KATNAL2: variants seen among roughly 807,000 people sequenced by gnomAD.
KATNAL2 encodes katanin catalytic subunit A1 like 2.
KATNAL2 carries 52 observed loss-of-function variants against 76.3 expected under a neutral mutation model. That is an observed-to-expected ratio of 0.68 (90% CI 0.55 to 0.86). The LOEUF is 0.86. Among genes scored for constraint, KATNAL2 ranks in the 40% least tolerant of loss-of-function variants. The pLI, the probability that KATNAL2 is intolerant of heterozygous loss-of-function variation, is 0.00. For synonymous variants in KATNAL2, 243 were observed against 244.2 expected, an observed-to-expected ratio of 1.00 and a Z score of 0.05; for missense variants, 660 against 668.9, an observed-to-expected ratio of 0.99 and a Z score of 0.15.
At chr18:47,066,320 G>T (rs1055070337) in intron 10 of KATNAL2, among the ~76,000 whole-genome samples, 1 of 152,132 alleles carries the variant, frequency 6.6e-6, no homozygotes, top group Non-Finnish European at 1.5e-5. Context: ...TGGTGAAATT[G>T]AAGTTTGGAA....
chr18:47,065,388 G>T (rs1257605087), intron 10 of KATNAL2, among the ~76,000 whole-genome samples: 1 of 150,538 alleles, frequency 6.6e-6, no homozygotes, highest in Non-Finnish European at 1.5e-5. Flanking sequence ...GTATATGTGG[G>T]TTTCCCAAGA....
At chr18:47,085,836 C>T (rs1437270921) in intron 15 of KATNAL2, among the ~76,000 whole-genome samples, 2 of 152,030 alleles carry the variant, frequency 1.3e-5, no homozygotes, top group South Asian at 2.1e-4. Flanking sequence ...GGAATGGTGG[C>T]TTATGCTTGT....
Position 46,947,044 on chromosome 18 carries a change from G to A in KATNAL2, c.51+121G>A, listed in dbSNP as rs1219637803. The A allele has an allele frequency of 4.1e-6, 3 of 735,678 alleles. No individual in the cohort carries two copies. In the East Asian group the frequency reaches 8.1e-5, roughly 20 times the overall value. The allele number at this position is 735,678 out of a possible 1,614,324, so 45.6% of individuals were successfully genotyped here. A position where few individuals can be genotyped will look rare whatever the true frequency, so the allele number is the denominator to read the frequency against. Reference sequence around the variant, plus strand: ...AGTCCGCTACTAGAGAAGCGCAAACGCAGTGAGAGGCGCTCGGCCGAGGTG... The same window carrying A: ...AGTCCGCTACTAGAGAAGCGCAAACACAGTGAGAGGCGCTCGGCCGAGGTG... On this transcript the variant is annotated intron_variant, in intron 3 of 17. Coordinates refer to ENST00000683218, the MANE Select transcript of KATNAL2 (RefSeq NM_001387690.1).
In KATNAL2 at chr18:47,066,847, TTATATATATATATA is replaced by T. The variant is rs56018747; in HGVS notation, c.727-141_727-128del. On this transcript the variant is annotated intron_variant, in intron 10 of 17. Coordinates refer to ENST00000683218, the MANE Select transcript of KATNAL2 (RefSeq NM_001387690.1). Reference sequence around the variant, plus strand: ...CCAAAATTACAATGTATATATGTGTTTATATATATATATATATATATATATATATATATATATAT... The same window carrying T: ...CCAAAATTACAATGTATATATGTGTTTATATATATATATATATATATATAT... 6.9e-3 allele frequency among the ~76,000 whole-genome samples: 204 copies of T among 29,588 alleles called. 2 individuals carry two copies. The highest frequency in any genetic ancestry group is 0.013 in the African/African-American group (115 of 9,132). 19.4% of individuals were successfully genotyped at this position (29,588 alleles called of 152,430 possible). A position where few individuals can be genotyped will look rare whatever the true frequency, so the allele number is the denominator to read the frequency against.
At chr18:46,961,295 TG>T (rs2059939407) in intron 3 of KATNAL2, among the ~76,000 whole-genome samples, 1 of 51,726 alleles carries the variant, frequency 1.9e-5, no homozygotes, top group Non-Finnish European at 3.8e-5. Context: ...GCGGTGGGGG[TG>T]GGGGTGGGTA....
At chr18:47,035,327 G>C (rs925022796) in intron 3 of KATNAL2, 199 of 1,607,690 alleles carry the variant, frequency 1.2e-4, no homozygotes, top group Non-Finnish European at 1.5e-4. Flanking sequence ...GGGGCTGCGG[G>C]ACAGGAAGTC....
chr18:47,098,200 C>T (rs533428384), intron 15 of KATNAL2: 19 of 355,538 alleles, frequency 5.3e-5, no homozygotes, highest in Admixed American at 1.8e-4. Flanking sequence ...TCCAGCCTGG[C>T]GACAGAGCAA....
chr18:47,099,552 G>C, intron 16 of KATNAL2, 147 bp downstream of exon 16: 1 of 691,030 alleles, frequency 1.4e-6, no homozygotes, highest in Non-Finnish European at 2.3e-6. Flanking sequence ...GCATCTTCAC[G>C]AAGAATAAGC....
chr18:46,950,893 G>A lies in KATNAL2; in HGVS notation c.51+3970G>A, dbSNP rs574787503. 3.4e-3 allele frequency among the ~76,000 whole-genome samples: 514 copies of A among 152,104 alleles called. 1 individual carries two copies. The highest frequency in any genetic ancestry group is 0.012 in the African/African-American group (491 of 41,494). ...GAGACGGAGTTTCTCCATGTTGGCCGGGCTGGTCTCGAACTCCCAACCTCA... is the reference window on the plus strand; with the variant it reads ...GAGACGGAGTTTCTCCATGTTGGCCAGGCTGGTCTCGAACTCCCAACCTCA... On this transcript the variant is annotated intron_variant, in intron 3 of 17. Transcript: ENST00000683218.
At position 47,044,486 on chromosome 18, in the gene KATNAL2, C is replaced by T. The variant is rs777158414; in HGVS notation, c.52-1971C>T. Among the ~76,000 whole-genome samples the T allele has an allele frequency of 3.9e-5, 6 of 152,052 alleles. No homozygotes were observed. In the East Asian group the frequency reaches 5.8e-4, roughly 15 times the overall value. On this transcript the variant is annotated intron_variant, in intron 3 of 17. Coordinates refer to ENST00000683218, the MANE Select transcript of KATNAL2 (RefSeq NM_001387690.1). ...AAATGGTTAAAATGATGGCCAGGTG[C>T]GGTGGCTCACGCCTGTAATCCCAGC... is the stretch of plus-strand genomic sequence containing the variant.
chr18:47,079,487 C>T lies in KATNAL2; in HGVS notation c.1211+2026C>T, dbSNP rs184449883. Among the ~76,000 whole-genome samples the T allele has an allele frequency of 9.7e-3, 1,478 of 152,000 alleles. 25 individuals carry two copies. The highest frequency in any genetic ancestry group is 0.033 in the African/African-American group (1,374 of 41,450). ...TCGGCTCACTGCAACCTCTGCCTCC[C>T]GGGTTCAAGCCACTCTACTGCCTCA... On this transcript the variant is annotated intron_variant, in intron 15 of 17. Coordinates refer to ENST00000683218, the MANE Select transcript of KATNAL2 (RefSeq NM_001387690.1).
intron 15 of KATNAL2, among the ~76,000 whole-genome samples, chr18:47,086,982 T>C (rs184631559): frequency 6.6e-6 from 1 of 152,344 alleles, no homozygotes; most frequent in East Asian, 1.9e-4. Flanking sequence ...TCAAACCACA[T>C]TTAAAACATT....
intron 1 of KATNAL2, among the ~76,000 whole-genome samples, chr18:46,926,300 G>A (rs1210159179): frequency 1.3e-5 from 2 of 152,012 alleles, no homozygotes; most frequent in Admixed American, 6.6e-5. Flanking sequence ...TTTCTCGTTG[G>A]TTTCAAAGAA....
chr18:47,096,990 C>T (rs998717961), intron 15 of KATNAL2, among the ~76,000 whole-genome samples: 3 of 151,762 alleles, frequency 2.0e-5, no homozygotes, highest in East Asian at 2.0e-4. Flanking sequence ...TAGCCGGGCT[C>T]GCACCTGTAG....
In KATNAL2 at chr18:47,031,812, C is replaced by T. The variant is rs533974098; in HGVS notation, c.52-14645C>T. 5.3e-5 allele frequency among the ~76,000 whole-genome samples: 8 copies of T among 152,286 alleles called. No individual in the cohort carries two copies. In the East Asian group the frequency reaches 5.8e-4, roughly 11 times the overall value. ...TTTTATATGGTTACTGGCAGTGTCACATCCCTTTTCCCAGAAAGAATGCTT... is the reference window on the plus strand; with the variant it reads ...TTTTATATGGTTACTGGCAGTGTCATATCCCTTTTCCCAGAAAGAATGCTT... On this transcript the variant is annotated intron_variant, in intron 3 of 17. Transcript: ENST00000683218.
intron 4 of KATNAL2, among the ~76,000 whole-genome samples, chr18:47,052,006 C>A (rs942862572): frequency 6.6e-6 from 1 of 152,214 alleles, no homozygotes; most frequent in African/African-American, 2.4e-5. Flanking sequence ...CTCTAACCTG[C>A]AGCAGAAATC....
rs542557866 is a variant in KATNAL2 at position 46,919,703 on chromosome 18, A to G, written c.-510+1777A>G. 1.3e-4 allele frequency among the ~76,000 whole-genome samples: 20 copies of G among 152,336 alleles called. No homozygotes were observed. In the South Asian group the frequency reaches 3.5e-3, roughly 27 times the overall value. ...TATGTTAAAAAATTGTAAACCCACT[A>G]GACTATAATGGCTGATAAATGCCTA... On this transcript the variant is annotated intron_variant, in intron 1 of 17. Coordinates refer to ENST00000683218, the MANE Select transcript of KATNAL2 (RefSeq NM_001387690.1).
intron 3 of KATNAL2, chr18:47,032,764 A>T (rs1045929118): frequency 3.0e-6 from 2 of 670,508 alleles, no homozygotes; most frequent in Non-Finnish European, 4.9e-6. Flanking sequence ...CCAAAATAGA[A>T]TTGTTCCCAA....
chr18:47,031,899 G>C (rs1056954610), intron 3 of KATNAL2, among the ~76,000 whole-genome samples: 4 of 152,154 alleles, frequency 2.6e-5, no homozygotes, highest in African/African-American at 9.7e-5. Context: ...CTGTGTGTGT[G>C]TGTATCATAT....
Sources: allele counts gnomAD v4.1 joint callset (sites outside exome capture counted in the v4.1 genomes callset), GRCh38; gene constraint gnomAD v4.1.1; transcripts MANE v1.5; gene names NCBI Gene and HGNC (gene_info 2026-07-23, HGNC 2026-07-21).